The following RSRC1 variants were observed in gnomAD, a reference collection of about 807,000 sequenced individuals.
RSRC1 encodes arginine and serine rich coiled-coil 1, also known as serine/Arginine-related protein 53.
RSRC1 carries 39 observed loss-of-function variants against 49.1 expected under a neutral mutation model. That is an observed-to-expected ratio of 0.79 (90% confidence interval 0.61 to 1.04). The LOEUF (loss-of-function observed/expected upper bound fraction) is 1.04. Ranked by LOEUF, RSRC1 falls within the 50% of genes least tolerant of loss-of-function variation. The pLI, the probability that RSRC1 is intolerant of heterozygous loss-of-function variation, is 0.00. For synonymous variants in RSRC1, 143 were observed against 130.8 expected, an observed-to-expected ratio of 1.09 and a Z score of -0.63; for missense variants, 388 against 402.4, an observed-to-expected ratio of 0.96 and a Z score of 0.31.
At chr3:158,250,055 G>A (rs1404738686) in intron 4 of RSRC1, among the ~76,000 whole-genome samples, 7 of 152,236 alleles carry the variant, frequency 4.6e-5, no homozygotes, top group African/African-American at 1.7e-4. Context: ...AAATAAGTGA[G>A]AACATGTGAA....
At chr3:158,163,662 C>CT (rs1333649440) in intron 3 of RSRC1, among the ~76,000 whole-genome samples, 2 of 151,902 alleles carry the variant, frequency 1.3e-5, no homozygotes, top group South Asian at 2.1e-4. Flanking sequence ...CATTTACACT[C>CT]TGAGTGTCAA....
At chr3:158,382,610 T>C (rs1234806271) in intron 6 of RSRC1, among the ~76,000 whole-genome samples, 1 of 152,148 alleles carries the variant, frequency 6.6e-6, no homozygotes, top group East Asian at 1.9e-4. Context: ...CTAATACTGT[T>C]AGGTGTGGCT....
intron 6 of RSRC1, among the ~76,000 whole-genome samples, chr3:158,380,180 AT>A (rs1732626207): frequency 6.6e-6 from 1 of 152,238 alleles, no homozygotes; most frequent in Admixed American, 6.5e-5. Context: ...ATTATATGTC[AT>A]TTTTAAGAAA....
At chr3:158,446,062 A>C (rs1331125364) in intron 6 of RSRC1, among the ~76,000 whole-genome samples, 2 of 152,144 alleles carry the variant, frequency 1.3e-5, no homozygotes, top group Non-Finnish European at 2.9e-5. Context: ...GCCTACTTGA[A>C]AATATCTATT....
At chr3:158,289,543 T>G (rs1421525614) in intron 4 of RSRC1, among the ~76,000 whole-genome samples, 2 of 152,242 alleles carry the variant, frequency 1.3e-5, no homozygotes, top group East Asian at 3.8e-4. Context: ...CTTTATTTAT[T>G]ACCGATAATA....
chr3:158,233,194 A>G (rs544654213), intron 4 of RSRC1, among the ~76,000 whole-genome samples: 1 of 152,168 alleles, frequency 6.6e-6, no homozygotes, highest in African/African-American at 2.4e-5. Context: ...TATCATCTTC[A>G]GAGTAGACTC....
chr3:158,427,802 A>G (rs1198867678), intron 6 of RSRC1, among the ~76,000 whole-genome samples: 1 of 151,816 alleles, frequency 6.6e-6, no homozygotes, highest in Non-Finnish European at 1.5e-5. Flanking sequence ...ACATAATTCT[A>G]TTGACTACAT....
At chr3:158,403,540 A>C (rs1733999326) in intron 6 of RSRC1, among the ~76,000 whole-genome samples, 1 of 151,822 alleles carries the variant, frequency 6.6e-6, no homozygotes, top group Non-Finnish European at 1.5e-5. Context: ...TTTAATCAGA[A>C]GTAAAATTTA....
chr3:158,281,243 T>A (rs1726147788), intron 4 of RSRC1, among the ~76,000 whole-genome samples: 1 of 151,952 alleles, frequency 6.6e-6, no homozygotes, highest in African/African-American at 2.4e-5. Context: ...AATGATAAGA[T>A]CCTTTTCTGA....
chr3:158,114,440 A>T (rs1383412671), intron 1 of RSRC1, among the ~76,000 whole-genome samples: 1 of 152,252 alleles, frequency 6.6e-6, no homozygotes, highest in African/African-American at 2.4e-5. Context: ...TGATGCCTCC[A>T]GCTTTGTTCT....
intron 6 of RSRC1, among the ~76,000 whole-genome samples, chr3:158,379,392 G>A (rs1393527676): frequency 6.6e-6 from 1 of 151,676 alleles, no homozygotes; most frequent in Non-Finnish European, 1.5e-5. Context: ...AGTAGAGACG[G>A]GGTTTCACCA....
At chr3:158,425,959 T>G (rs1425256799) in intron 6 of RSRC1, among the ~76,000 whole-genome samples, 1 of 151,716 alleles carries the variant, frequency 6.6e-6, no homozygotes, top group Non-Finnish European at 1.5e-5. Context: ...GTGTCATCAA[T>G]AGGAAGCAAT....
At chr3:158,378,078 A>G (rs1732473887) in intron 6 of RSRC1, among the ~76,000 whole-genome samples, 2 of 151,576 alleles carry the variant, frequency 1.3e-5, no homozygotes, top group South Asian at 4.2e-4. Flanking sequence ...CTGTTTTATC[A>G]TTTTTCATGG....
chr3:158,249,992 A>T (rs1442813867), intron 4 of RSRC1, among the ~76,000 whole-genome samples: 1 of 152,114 alleles, frequency 6.6e-6, no homozygotes, highest in Admixed American at 6.6e-5. Flanking sequence ...GCCTCTAGTA[A>T]GCATCATTGT....
chr3:158,237,719 G>T (rs898381798), intron 4 of RSRC1, among the ~76,000 whole-genome samples: 2 of 152,080 alleles, frequency 1.3e-5, no homozygotes, highest in Admixed American at 6.6e-5. Context: ...AGTCAATGGG[G>T]TTTTCTAAAT....
chr3:158,205,654 G>A (rs1721305747), intron 4 of RSRC1, among the ~76,000 whole-genome samples: 1 of 152,088 alleles, frequency 6.6e-6, no homozygotes, highest in Admixed American at 6.6e-5. Context: ...GGATGCTTTG[G>A]CTGTAACGAA....
intron 3 of RSRC1, among the ~76,000 whole-genome samples, chr3:158,166,865 G>C (rs78283751): frequency 6.6e-6 from 1 of 152,108 alleles, no homozygotes; most frequent in Non-Finnish European, 1.5e-5. Context: ...AAGAGGAAAC[G>C]TGAAACTAAT....
chr3:158,285,377 G>C (rs897773333), intron 4 of RSRC1, among the ~76,000 whole-genome samples: 77 of 152,144 alleles, frequency 5.1e-4, no homozygotes, highest in Non-Finnish European at 2.4e-4. Context: ...GGCAATGCGG[G>C]CTCTTTTTTG....
At chr3:158,517,403 G>C (rs992144684) in intron 7 of RSRC1, among the ~76,000 whole-genome samples, 97 of 152,166 alleles carry the variant, frequency 6.4e-4, no homozygotes, top group African/African-American at 2.3e-3. Flanking sequence ...TAGAAATGGT[G>C]ATAGCTAGTA....
Sources: allele counts gnomAD v4.1 joint callset (sites outside exome capture counted in the v4.1 genomes callset), GRCh38; gene constraint gnomAD v4.1.1; transcripts MANE v1.5; gene names NCBI Gene and HGNC (gene_info 2026-07-23, HGNC 2026-07-21).